NAV3: variants seen among roughly 807,000 people sequenced by gnomAD.
NAV3 encodes the protein neuron navigator 3.
In NAV3, 87 loss-of-function variants were observed where a neutral mutation model predicts 244.7. The observed-to-expected ratio is 0.36, with a 90% CI of 0.30 to 0.42. The LOEUF (loss-of-function observed/expected upper bound fraction) is 0.42, where lower values mean the gene tolerates loss of function less well. Ranked by LOEUF, NAV3 falls within the 20% of genes least tolerant of loss-of-function variation. The pLI is 1.00. For missense variants in NAV3, 2,663 were observed against 2,893.3 expected, an observed-to-expected ratio of 0.92 and a Z score of 1.83; for synonymous variants, 1,126 against 1,042.2, an observed-to-expected ratio of 1.08 and a Z score of -1.55.
intron 1 of NAV3, among the ~76,000 whole-genome samples, chr12:77,863,620 A>G (rs1260570039): frequency 6.6e-6 from 1 of 151,854 alleles, no homozygotes; most frequent in Non-Finnish European, 1.5e-5. Context: ...TCTCTTTGCT[A>G]TGATTTCTTG....
At chr12:77,646,835 T>C (rs1259454422) in intron 2 of NAV3, among the ~76,000 whole-genome samples, 1 of 152,134 alleles carries the variant, frequency 6.6e-6, no homozygotes, top group Non-Finnish European at 1.5e-5. Context: ...AAAATGTGTA[T>C]GTAAATGGCA....
chr12:78,162,941 T>G (rs1260420727), intron 23 of NAV3, among the ~76,000 whole-genome samples: 3 of 136,148 alleles, frequency 2.2e-5, no homozygotes, highest in African/African-American at 5.3e-5. Context: ...AATTACATAT[T>G]TATAAATATG....
chr12:77,986,407 T>A (rs1007468454), intron 5 of NAV3, among the ~76,000 whole-genome samples: 2 of 152,126 alleles, frequency 1.3e-5, no homozygotes, highest in African/African-American at 4.8e-5. Flanking sequence ...AAATTAAAAA[T>A]ATTTATAATT....
Position 78,109,948 on chromosome 12 carries a change from A to G in NAV3, c.2637-6824A>G, listed in dbSNP as rs1160495378. On this transcript the variant is annotated intron_variant, in intron 12 of 39. Coordinates refer to ENST00000397909, the MANE Select transcript of NAV3 (RefSeq NM_001024383.2). ...TAGTACTAGAAGTCCTAGCCAAAAC[A>G]ATCAGACAAGCAAAAGAAATAAAAA... Among the ~76,000 whole-genome samples the G allele has an allele frequency of 2.6e-5, 4 of 152,042 alleles. No individual in the cohort carries two copies. In the East Asian group the frequency reaches 7.7e-4, roughly 29 times the overall value.
chr12:78,009,797 T>C (rs370248455), intron 8 of NAV3, among the ~76,000 whole-genome samples: 5 of 152,204 alleles, frequency 3.3e-5, no homozygotes, highest in Non-Finnish European at 7.3e-5. Context: ...CCTCGATTGA[T>C]TGTATGAAAG....
intron 18 of NAV3, among the ~76,000 whole-genome samples, chr12:78,134,103 G>T: frequency 6.6e-6 from 1 of 150,598 alleles, no homozygotes; most frequent in Non-Finnish European, 1.5e-5. Flanking sequence ...AAATTCGATG[G>T]ATCCTTTTGC....
chr12:77,831,451 T>G lies in NAV3; in HGVS notation c.-11T>G. 6.3e-7 allele frequency: 1 copy of G among 1,575,430 alleles called. No homozygotes were observed. Among genetic ancestry groups the G allele is most frequent in the South Asian group, 1.2e-5 (1 of 84,544 alleles). ...TTTCTTTGGCAGCAAGAAGATAATT[T>G]TATAGAAGCCATGCCTGTTCTTGGG... On this transcript the variant is annotated 5_prime_UTR_variant, in exon 1 of 40. Transcript: ENST00000397909.
chr12:78,199,574 A>G (rs758915234), intron 37 of NAV3, 43 bp downstream of exon 37: 22 of 1,434,130 alleles, frequency 1.5e-5, no homozygotes, highest in Non-Finnish European at 1.7e-5. Context: ...AGGAACTAAC[A>G]GTGCTTGGTA....
In NAV3 at chr12:78,211,525, G is replaced by A. The variant is rs1594069933; in HGVS notation, c.*1008G>A. On this transcript the variant is annotated 3_prime_UTR_variant, in exon 40 of 40. Transcript: ENST00000397909. ...GAGAAAGATCAGTATTTTTAGCCTTGTGAATAGATCGCTTTGCCTATCCTC... is the reference window on the plus strand; with the variant it reads ...GAGAAAGATCAGTATTTTTAGCCTTATGAATAGATCGCTTTGCCTATCCTC... 1.6e-5 allele frequency: 2 copies of A among 126,568 alleles called. No individual in the cohort carries two copies. Among genetic ancestry groups the A allele is most frequent in the Middle Eastern group, 4.4e-3 (1 of 226 alleles). The allele number at this position is 126,568 out of a possible 1,614,324, so 7.8% of individuals were successfully genotyped here. A position where few individuals can be genotyped will look rare whatever the true frequency, so the allele number is the denominator to read the frequency against.
chr12:77,899,795 G>A (rs7976374), intron 1 of NAV3, among the ~76,000 whole-genome samples: 63,594 of 152,066 alleles, frequency 0.42, 14,467 homozygotes, highest in African/African-American at 0.61. Flanking sequence ...TAATTCACTA[G>A]CTATGAGAAA....
chr12:77,968,486 T>C (rs759100436), intron 4 of NAV3, 33 bp from the exon 5 acceptor site: 1 of 1,527,914 alleles, frequency 6.5e-7, no homozygotes, highest in South Asian at 1.1e-5. Flanking sequence ...TAAATACATA[T>C]GATTCTTTTT....
intron 7 of NAV3, among the ~76,000 whole-genome samples, chr12:78,000,664 C>T (rs1407218199): frequency 6.4e-5 from 8 of 125,624 alleles, no homozygotes; most frequent in Admixed American, 8.0e-5. Context: ...CCACCACGCC[C>T]GGCTAATTTT....
At chr12:77,631,063 C>T (rs1398036953) in intron 2 of NAV3, among the ~76,000 whole-genome samples, 1 of 152,188 alleles carries the variant, frequency 6.6e-6, no homozygotes, top group Admixed American at 6.5e-5. Flanking sequence ...AACCCCCAAA[C>T]AACAGGGTGA....
chr12:77,880,673 A>G (rs1882518045), intron 1 of NAV3, among the ~76,000 whole-genome samples: 2 of 152,110 alleles, frequency 1.3e-5, no homozygotes, highest in Admixed American at 1.3e-4. Flanking sequence ...ATAATACTGT[A>G]CTTTATTTTT....
chr12:77,686,089 A>T (rs1874730020), intron 2 of NAV3, among the ~76,000 whole-genome samples: 1 of 152,142 alleles, frequency 6.6e-6, no homozygotes, highest in African/African-American at 2.4e-5. Context: ...AACTGTCCTG[A>T]TATATTCAGA....
intron 19 of NAV3, among the ~76,000 whole-genome samples, chr12:78,138,047 A>C (rs1237208984): frequency 6.6e-6 from 1 of 152,138 alleles, no homozygotes; most frequent in African/African-American, 2.4e-5. Context: ...TTTCTCTTTG[A>C]TTTAATGAAT....
intron 2 of NAV3, among the ~76,000 whole-genome samples, chr12:77,706,870 C>CAAAA (rs34067727): frequency 5.9e-5 from 4 of 68,032 alleles, no homozygotes; most frequent in African/African-American, 6.6e-5. Flanking sequence ...GACTCTGTTT[C>CAAAA]AAAAAAAAAA....
rs1004749628 is a variant in NAV3 at position 77,819,854 on chromosome 12, C to T, written c.73-120465C>T. On this transcript the variant is annotated intron_variant, in intron 2 of 8. Coordinates refer to the NAV3 transcript ENST00000550042. Reference sequence around the variant, plus strand: ...GAACGAGAAAGATATTTTAGGGCAACATATGTGTGGTTCGTAAAACCAATA... The same window carrying T: ...GAACGAGAAAGATATTTTAGGGCAATATATGTGTGGTTCGTAAAACCAATA... 3.3e-5 allele frequency among the ~76,000 whole-genome samples: 5 copies of T among 152,186 alleles called. No individual in the cohort carries two copies. The East Asian group carries it at 9.7e-4, about 29-fold the overall frequency.
At chr12:77,977,781 G>GTTAA (rs1010406170) in intron 5 of NAV3, among the ~76,000 whole-genome samples, 4 of 151,064 alleles carry the variant, frequency 2.6e-5, no homozygotes, top group Admixed American at 6.6e-5. Flanking sequence ...TTCTTCCCTA[G>GTTAA]TTAAGGCCTA....
Sources: allele counts gnomAD v4.1 joint callset (sites outside exome capture counted in the v4.1 genomes callset), GRCh38; gene constraint gnomAD v4.1.1; transcripts MANE v1.5; gene names NCBI Gene and HGNC (gene_info 2026-07-23, HGNC 2026-07-21).